Variants in RALGAPA2 observed in about 807,000 individuals in gnomAD.
The protein encoded by RALGAPA2 is ral GTPase-activating protein subunit alpha-2.
Under a neutral mutation model 230.4 loss-of-function variants are expected in RALGAPA2, and 139 were observed. The ratio of observed to expected loss-of-function variants is 0.60; its 90% CI spans 0.53 to 0.69. The LOEUF (loss-of-function observed/expected upper bound fraction) is 0.69, where lower values mean the gene tolerates loss of function less well. Ranked by LOEUF, RALGAPA2 falls within the 30% of genes least tolerant of loss-of-function variation. RALGAPA2 has a pLI of 0.00. For missense variants in RALGAPA2, 2,163 were observed against 2,276.0 expected (o/e 0.95, Z 1.01); for synonymous variants, 847 against 837.8 (o/e 1.01, Z -0.19).
intron 33 of RALGAPA2, among the ~76,000 whole-genome samples, chr20:20,508,175 T>C (rs370590672): frequency 6.6e-6 from 1 of 152,318 alleles, no homozygotes; most frequent in East Asian, 1.9e-4. Context: ...ATTCATCAAA[T>C]TTCACATTCT....
intron 1 of RALGAPA2, among the ~76,000 whole-genome samples, chr20:20,694,136 G>A (rs572895848): frequency 6.6e-5 from 10 of 150,444 alleles, no homozygotes; most frequent in East Asian, 5.9e-4. Flanking sequence ...AAAAGATACC[G>A]TAACTTTAAA....
At chr20:20,571,335 G>C (rs2064626757) in intron 23 of RALGAPA2, 123 bp downstream of exon 23, 1 of 1,094,676 alleles carries the variant, frequency 9.1e-7, no homozygotes. Context: ...GTGTGTAAAA[G>C]AGTTGAAACT....
At chr20:20,420,638 C>T (rs770070472) in intron 37 of RALGAPA2, among the ~76,000 whole-genome samples, 2 of 152,062 alleles carry the variant, frequency 1.3e-5, no homozygotes, top group Non-Finnish European at 2.9e-5. Flanking sequence ...GCAGGCTCTC[C>T]GGTGAGGCAG....
At position 20,572,038 on chromosome 20, in the gene RALGAPA2, C is replaced by T. The variant is rs2064659361; in HGVS notation, c.2902-92G>A. On this transcript the variant is annotated intron_variant, in intron 21 of 39. Coordinates refer to ENST00000202677, the MANE Select transcript of RALGAPA2 (RefSeq NM_020343.4). ...TCTTCTGTGACCATATAGCTGCTTT[C>T]AGTTAATTTCTATAAGTGAAAACCT... is the stretch of plus-strand genomic sequence containing the variant. 1.4e-5 allele frequency: 11 copies of T among 808,382 alleles called. No homozygotes were observed. In the South Asian group the frequency reaches 1.6e-4, roughly 12 times the overall value. The allele number at this position is 808,382 out of a possible 1,614,324, so 50.1% of individuals were successfully genotyped here.
chr20:20,652,485 G>C (rs1344589222), intron 4 of RALGAPA2, among the ~76,000 whole-genome samples: 3 of 152,136 alleles, frequency 2.0e-5, no homozygotes, highest in South Asian at 2.1e-4. Context: ...TACAATACAA[G>C]AATGGTGATA....
chr20:20,444,054 G>T (rs2060804659), intron 37 of RALGAPA2, among the ~76,000 whole-genome samples: 1 of 152,208 alleles, frequency 6.6e-6, no homozygotes, highest in Non-Finnish European at 1.5e-5. Context: ...CAGAATCTGT[G>T]GGGTGGGTGC....
intron 9 of RALGAPA2, among the ~76,000 whole-genome samples, chr20:20,632,091 C>T (rs2066693647): frequency 6.6e-6 from 1 of 151,324 alleles, no homozygotes; most frequent in South Asian, 2.1e-4. Flanking sequence ...GTGGCTCGAT[C>T]TCCGCTCACT....
intron 1 of RALGAPA2, among the ~76,000 whole-genome samples, chr20:20,700,945 T>A (rs965684227): frequency 1.3e-5 from 2 of 152,230 alleles, no homozygotes; most frequent in African/African-American, 2.4e-5. Flanking sequence ...CCAGCTCAAC[T>A]CCCCAGTAGA....
rs6106259 is a variant in RALGAPA2 at position 20,533,586 on chromosome 20, A to G, written c.3474-1791T>C. 1.7e-3 allele frequency among the ~76,000 whole-genome samples: 263 copies of G among 152,288 alleles called. 2 individuals are homozygous for G. The highest frequency in any genetic ancestry group is 6.1e-3 in the African/African-American group (252 of 41,582). ...TTTCTTCCAGAAGGTGATCAAGCTG[A>G]TGAAAAAAATCAGACAGGATACAGA... On this transcript the variant is annotated intron_variant, in intron 26 of 39. Coordinates refer to ENST00000202677, the MANE Select transcript of RALGAPA2 (RefSeq NM_020343.4).
intron 27 of RALGAPA2, among the ~76,000 whole-genome samples, chr20:20,529,252 T>C (rs1442081751): frequency 1.3e-5 from 2 of 152,212 alleles, no homozygotes; most frequent in African/African-American, 4.8e-5. Flanking sequence ...TTGACCTTCC[T>C]CAGTCCTCTT....
At chr20:20,694,661 T>C (rs964378910) in intron 1 of RALGAPA2, among the ~76,000 whole-genome samples, 2 of 152,258 alleles carry the variant, frequency 1.3e-5, no homozygotes, top group East Asian at 1.9e-4. Flanking sequence ...TGAAGTCTTA[T>C]GTAATTCTTC....
intron 2 of RALGAPA2, among the ~76,000 whole-genome samples, chr20:20,679,780 G>A (rs915910478): frequency 6.6e-6 from 1 of 152,132 alleles, no homozygotes; most frequent in East Asian, 1.9e-4. Context: ...ATACTCAGCA[G>A]GAAGTCATCT....
chr20:20,533,107 G>T (rs1048145780), intron 26 of RALGAPA2, among the ~76,000 whole-genome samples: 2 of 150,918 alleles, frequency 1.3e-5, no homozygotes, highest in Non-Finnish European at 1.5e-5. Context: ...AGAAATAAAA[G>T]AAATATTATA....
intron 23 of RALGAPA2, among the ~76,000 whole-genome samples, chr20:20,555,576 T>C (rs769016178): frequency 6.6e-5 from 10 of 152,184 alleles, no homozygotes; most frequent in Non-Finnish European, 1.3e-4. Flanking sequence ...ATTTAGGTAG[T>C]TTTTAAAGTC....
chr20:20,597,877 T>C (rs1332231702), intron 16 of RALGAPA2, among the ~76,000 whole-genome samples: 2 of 152,042 alleles, frequency 1.3e-5, no homozygotes, highest in Non-Finnish European at 2.9e-5. Flanking sequence ...AATACTAATC[T>C]ACAACGCCAA....
chr20:20,598,379 A>G (rs975905420), intron 16 of RALGAPA2, among the ~76,000 whole-genome samples: 1 of 152,210 alleles, frequency 6.6e-6, no homozygotes, highest in African/African-American at 2.4e-5. Context: ...CACTGTATAG[A>G]AGACACACTA....
intron 37 of RALGAPA2, among the ~76,000 whole-genome samples, chr20:20,440,485 TG>T (rs1239437565): frequency 6.6e-6 from 1 of 152,250 alleles, no homozygotes; most frequent in Non-Finnish European, 1.5e-5. Context: ...GGCTCACTGC[TG>T]GTTCGTTCTT....
chr20:20,438,094 T>C (rs1330907930), intron 37 of RALGAPA2, among the ~76,000 whole-genome samples: 1 of 152,214 alleles, frequency 6.6e-6, no homozygotes, highest in Non-Finnish European at 1.5e-5. Context: ...AAAAAGCACA[T>C]CTTCATTCTC....
intron 38 of RALGAPA2, among the ~76,000 whole-genome samples, chr20:20,406,870 C>G (rs533544941): frequency 6.6e-6 from 1 of 152,176 alleles, no homozygotes; most frequent in Non-Finnish European, 1.5e-5. Context: ...TGTGCTCACA[C>G]CAATGCAATC....
Sources: allele counts gnomAD v4.1 joint callset (sites outside exome capture counted in the v4.1 genomes callset), GRCh38; gene constraint gnomAD v4.1.1; transcripts MANE v1.5; gene names NCBI Gene and HGNC (gene_info 2026-07-23, HGNC 2026-07-21).